CNTNAP5: variants seen among roughly 807,000 people sequenced by gnomAD.
CNTNAP5 encodes the protein contactin-associated protein-like 5.
A neutral mutation model predicts 150.2 loss-of-function variants in CNTNAP5; 72 were observed. That is an observed-to-expected ratio of 0.48 (90% confidence interval 0.40 to 0.58). CNTNAP5 has a LOEUF of 0.58. Among genes scored for constraint, CNTNAP5 ranks in the 20% least tolerant of loss-of-function variants. The pLI, the probability that CNTNAP5 is intolerant of heterozygous loss-of-function variation, is 0.00. For missense variants in CNTNAP5, 1,636 were observed against 1,626.2 expected, an observed-to-expected ratio of 1.01 and a Z score of -0.10; for synonymous variants, 672 against 619.8, an observed-to-expected ratio of 1.08 and a Z score of -1.25.
intron 7 of CNTNAP5, among the ~76,000 whole-genome samples, chr2:124,481,002 G>A (rs529622111): frequency 6.6e-6 from 1 of 152,298 alleles, no homozygotes; most frequent in East Asian, 1.9e-4. Flanking sequence ...AGTCCATCAA[G>A]GCAGCTATAA....
intron 3 of CNTNAP5, among the ~76,000 whole-genome samples, chr2:124,266,027 T>C (rs1462148723): frequency 2.0e-5 from 3 of 152,090 alleles, no homozygotes; most frequent in African/African-American, 7.2e-5. Flanking sequence ...CAGGCTCCCA[T>C]CCTTATTAGC....
intron 1 of CNTNAP5, among the ~76,000 whole-genome samples, chr2:124,135,411 T>C (rs1683952818): frequency 6.6e-6 from 1 of 152,188 alleles, no homozygotes; most frequent in African/African-American, 2.4e-5. Flanking sequence ...ATTCCACCTC[T>C]ATAAGGAAGA....
At position 124,273,529 on chromosome 2, in the gene CNTNAP5, A is replaced by T. The variant is rs140209676; in HGVS notation, c.381+31136A>T. ...CTTACAATTAGAGTTTCAGACCAGAATCCCTACAATTTCCATTTCCCAAAG... is the reference window on the plus strand; with the variant it reads ...CTTACAATTAGAGTTTCAGACCAGATTCCCTACAATTTCCATTTCCCAAAG... On this transcript the variant is annotated intron_variant, in intron 3 of 23. Transcript: ENST00000682447. Among the ~76,000 whole-genome samples, 224 of 152,254 alleles carry T rather than the reference A, an allele frequency of 1.5e-3. 2 individuals carry two copies. Among genetic ancestry groups the T allele is most frequent in the African/African-American group, 5.1e-3 (211 of 41,550 alleles).
intron 3 of CNTNAP5, among the ~76,000 whole-genome samples, chr2:124,323,722 C>T (rs764316450): frequency 5.1e-4 from 77 of 152,320 alleles, no homozygotes; most frequent in Non-Finnish European, 9.0e-4. Flanking sequence ...TCAGAATTAA[C>T]TAGACCATGT....
chr2:124,781,426 A>G (rs1192940562), intron 17 of CNTNAP5, among the ~76,000 whole-genome samples: 4 of 152,094 alleles, frequency 2.6e-5, no homozygotes, highest in African/African-American at 7.2e-5. Context: ...TCTTTCTTAT[A>G]TTGGTGAAAT....
intron 5 of CNTNAP5, among the ~76,000 whole-genome samples, chr2:124,435,285 C>T (rs1240200716): frequency 1.3e-5 from 2 of 152,050 alleles, no homozygotes; most frequent in Non-Finnish European, 2.9e-5. Context: ...CATGGCCTTC[C>T]ACTGTGGGCT....
At chr2:124,652,830 A>T (rs6707412) in intron 13 of CNTNAP5, among the ~76,000 whole-genome samples, 85,464 of 151,994 alleles carry the variant, frequency 0.56, 24,577 homozygotes, top group Non-Finnish European at 0.62. Flanking sequence ...CACCACTCCA[A>T]GTAATGGAAA....
chr2:124,239,026 AG>A (rs1686818253), intron 2 of CNTNAP5, among the ~76,000 whole-genome samples: 1 of 152,196 alleles, frequency 6.6e-6, no homozygotes, highest in Non-Finnish European at 1.5e-5. Flanking sequence ...TCTTGGGCTC[AG>A]AAAATTTTTA....
At chr2:124,707,311 G>A (rs1679711859) in intron 13 of CNTNAP5, among the ~76,000 whole-genome samples, 1 of 152,138 alleles carries the variant, frequency 6.6e-6, no homozygotes, top group Admixed American at 6.5e-5. Context: ...GAAAAGATGA[G>A]GCATGGACTT....
At chr2:124,273,819 A>G (rs1324905990) in intron 3 of CNTNAP5, among the ~76,000 whole-genome samples, 1 of 152,130 alleles carries the variant, frequency 6.6e-6, no homozygotes, top group African/African-American at 2.4e-5. Flanking sequence ...TCTCTTCCCT[A>G]TAACTTTATT....
intron 3 of CNTNAP5, among the ~76,000 whole-genome samples, chr2:124,360,838 G>C (rs1427400464): frequency 8.4e-6 from 1 of 119,246 alleles, no homozygotes; most frequent in Admixed American, 8.7e-5. Context: ...TGTATTTCCT[G>C]AATCTGAACG....
At chr2:124,578,288 C>G (rs1696338299) in intron 11 of CNTNAP5, among the ~76,000 whole-genome samples, 1 of 149,640 alleles carries the variant, frequency 6.7e-6, no homozygotes, top group Non-Finnish European at 1.5e-5. Context: ...TGAGATGGAA[C>G]CACTGCACTC....
intron 13 of CNTNAP5, among the ~76,000 whole-genome samples, chr2:124,665,803 G>C (rs552933569): frequency 1.3e-5 from 2 of 151,806 alleles, no homozygotes; most frequent in Non-Finnish European, 2.9e-5. Flanking sequence ...GGAGAATGGC[G>C]GGAACCCGGG....
chr2:124,736,091 A>G (rs944039034), intron 13 of CNTNAP5, among the ~76,000 whole-genome samples: 3 of 152,120 alleles, frequency 2.0e-5, no homozygotes, highest in Non-Finnish European at 4.4e-5. Flanking sequence ...TTAGCTGGGC[A>G]TGATGACGGG....
chr2:124,288,767 G>T (rs1219106811), intron 3 of CNTNAP5, among the ~76,000 whole-genome samples: 1 of 152,036 alleles, frequency 6.6e-6, no homozygotes, highest in Non-Finnish European at 1.5e-5. Flanking sequence ...TAGATACACT[G>T]CCCGTTTTTC....
chr2:124,354,182 G>A (rs931484103), intron 3 of CNTNAP5, among the ~76,000 whole-genome samples: 1 of 152,062 alleles, frequency 6.6e-6, no homozygotes, highest in Non-Finnish European at 1.5e-5. Flanking sequence ...AAAATGACCA[G>A]GTAAAAATTA....
intron 1 of CNTNAP5, among the ~76,000 whole-genome samples, chr2:124,069,055 G>T (rs1436513973): frequency 6.6e-6 from 1 of 152,100 alleles, no homozygotes; most frequent in African/African-American, 2.4e-5. Context: ...CCAAGTCCAG[G>T]CCTAGGCTCT....
At position 124,499,097 on chromosome 2, in the gene CNTNAP5, C is replaced by G. The variant is rs149065842; in HGVS notation, c.1063-5195C>G. 2.4e-3 allele frequency among the ~76,000 whole-genome samples: 359 copies of G among 152,244 alleles called. 2 individuals carry two copies. The highest frequency in any genetic ancestry group is 8.2e-3 in the African/African-American group (339 of 41,550). ...TCTCATGTGGTCTTAAATCATCCCA[C>G]TACTATTATTCCCCAGATCATGAAG... On this transcript the variant is annotated intron_variant, in intron 7 of 23. Transcript: ENST00000682447.
chr2:124,520,111 T>C (rs1178685493), intron 8 of CNTNAP5, among the ~76,000 whole-genome samples: 1 of 152,224 alleles, frequency 6.6e-6, no homozygotes, highest in African/African-American at 2.4e-5. Flanking sequence ...TGTTAGTTTT[T>C]AACAAGATGG....
Sources: gnomAD v4.1 joint callset for allele counts (sites outside exome capture counted in the v4.1 genomes callset) on GRCh38, gnomAD v4.1.1 for gene constraint, MANE v1.5 for transcripts, NCBI Gene and HGNC (gene_info 2026-07-23, HGNC 2026-07-21) for gene names.